SEPTIN7: variants seen among roughly 807,000 people sequenced by gnomAD.
SEPTIN7 encodes septin-7.
Under a neutral mutation model 63.3 loss-of-function variants are expected in SEPTIN7, and 10 were observed. That is an observed-to-expected ratio of 0.16 (90% CI 0.10 to 0.27). SEPTIN7 has a LOEUF of 0.27. Ranked by LOEUF, SEPTIN7 falls within the 10% of genes least tolerant of loss-of-function variation. The pLI, the probability that SEPTIN7 is intolerant of heterozygous loss-of-function variation, is 1.00. For synonymous variants in SEPTIN7, 131 were observed against 165.3 expected (o/e 0.79, Z 1.59); for missense variants, 310 against 521.0 (o/e 0.59, Z 3.94).
At chr7:35,809,894 T>G (rs1437599114) in intron 1 of SEPTIN7, among the ~76,000 whole-genome samples, 1 of 152,200 alleles carries the variant, frequency 6.6e-6, no homozygotes, top group Non-Finnish European at 1.5e-5. Flanking sequence ...TGTAGCAGTT[T>G]AGGACTAAAA....
chr7:35,908,035 T>C (rs1219896614), downstream of SEPTIN7, among the ~76,000 whole-genome samples: 2 of 152,240 alleles, frequency 1.3e-5, no homozygotes, highest in Non-Finnish European at 2.9e-5. Context: ...TCTCTGGATC[T>C]GCTTCTTTGT....
At chr7:35,866,524 C>G (rs1371122418) in intron 4 of SEPTIN7, among the ~76,000 whole-genome samples, 3 of 152,062 alleles carry the variant, frequency 2.0e-5, no homozygotes, top group Non-Finnish European at 4.4e-5. Context: ...GAATAAGGAG[C>G]AAGATATTAA....
chr7:35,866,838 C>G lies in SEPTIN7; in HGVS notation c.276+3180C>G, dbSNP rs1428461711. 2.0e-5 allele frequency among the ~76,000 whole-genome samples: 3 copies of G among 152,210 alleles called. No homozygotes were observed. In the East Asian group the frequency reaches 5.8e-4, roughly 29 times the overall value. Reference sequence around the variant, plus strand: ...GACACCAGTCCTGGAATTCTTTATACCAGTGCTTCTCAAACTTGAGCGCAC... The same window carrying G: ...GACACCAGTCCTGGAATTCTTTATAGCAGTGCTTCTCAAACTTGAGCGCAC... On this transcript the variant is annotated intron_variant, in intron 4 of 13. Coordinates refer to ENST00000350320, the MANE Select transcript of SEPTIN7 (RefSeq NM_001788.6).
chr7:35,870,878 A>G (rs1786103790), intron 4 of SEPTIN7, among the ~76,000 whole-genome samples: 1 of 151,176 alleles, frequency 6.6e-6, no homozygotes, highest in Admixed American at 6.6e-5. Context: ...TCTCACACTG[A>G]TGAATCTGAT....
At chr7:35,915,036 CATATATGT>C in the SEPTIN7 span, among the ~76,000 whole-genome samples, 10 of 149,770 alleles carry the variant, frequency 6.7e-5, no homozygotes, top group East Asian at 5.8e-4. Context: ...CATGCACGTA[CATATATGT>C]ATATATGTAT....
At chr7:35,827,079 A>G (rs1783553757) in intron 1 of SEPTIN7, among the ~76,000 whole-genome samples, 1 of 152,092 alleles carries the variant, frequency 6.6e-6, no homozygotes, top group African/African-American at 2.4e-5. Flanking sequence ...CCGTAGTTTG[A>G]TTTTTCTTAA....
intron 1 of SEPTIN7, among the ~76,000 whole-genome samples, chr7:35,817,384 A>C (rs900430587): frequency 1.3e-5 from 2 of 151,998 alleles, no homozygotes; most frequent in African/African-American, 4.8e-5. Flanking sequence ...GTGGATTCTC[A>C]TTTGTTTCTT....
intron 10 of SEPTIN7, among the ~76,000 whole-genome samples, chr7:35,888,378 A>G (rs1477137199): frequency 5.9e-5 from 9 of 152,252 alleles, no homozygotes; most frequent in Admixed American, 5.9e-4. Flanking sequence ...TATCTAAAAT[A>G]TTAGATGACA....
intron 3 of SEPTIN7, among the ~76,000 whole-genome samples, chr7:35,858,035 T>G (rs1785295964): frequency 6.6e-6 from 1 of 152,036 alleles, no homozygotes; most frequent in Non-Finnish European, 1.5e-5. Flanking sequence ...CTCTTCCTCC[T>G]GGTTCAGGCA....
the SEPTIN7 span, among the ~76,000 whole-genome samples, chr7:35,915,364 C>T: frequency 6.6e-6 from 1 of 152,120 alleles, no homozygotes; most frequent in African/African-American, 2.4e-5. Flanking sequence ...GGACCAGGGA[C>T]ATTTTAGACT....
At chr7:35,901,513 T>A (rs1465433247) in intron 12 of SEPTIN7, 1 of 152,232 alleles carries the variant, frequency 6.6e-6, no homozygotes, top group Admixed American at 6.5e-5. Context: ...TAAGCGGTGT[T>A]GTCGTTTTAA....
chr7:35,841,565 A>G (rs1784409088), intron 3 of SEPTIN7, among the ~76,000 whole-genome samples: 1 of 152,166 alleles, frequency 6.6e-6, no homozygotes, highest in Non-Finnish European at 1.5e-5. Context: ...AGACCTAGAG[A>G]AACTGTTCTC....
rs1256983866 is a variant in SEPTIN7, at chr7:35,872,586, G to A, written c.277-80G>A. On this transcript the variant is annotated intron_variant, in intron 4 of 13. Coordinates refer to ENST00000350320, the MANE Select transcript of SEPTIN7 (RefSeq NM_001788.6). ...TTTCCCAGTTGGTTTTGATAAACTC[G>A]AACGTCCCTACCATCACCCCTTGTA... 13 of 1,047,350 alleles carry A rather than the reference G, an allele frequency of 1.2e-5. No individual in the cohort carries two copies. The South Asian group carries it at 1.4e-4, about 11-fold the overall frequency. 64.9% of individuals were successfully genotyped at this position (1,047,350 alleles called of 1,614,324 possible).
intron 1 of SEPTIN7, among the ~76,000 whole-genome samples, chr7:35,807,469 A>G (rs1788425116): frequency 6.9e-6 from 1 of 145,730 alleles, no homozygotes; most frequent in Non-Finnish European, 1.5e-5. Flanking sequence ...GGTTCACACC[A>G]TTCTCCTGCC....
At chr7:35,850,397 A>T (rs1784902215) in intron 3 of SEPTIN7, among the ~76,000 whole-genome samples, 1 of 152,186 alleles carries the variant, frequency 6.6e-6, no homozygotes, top group African/African-American at 2.4e-5. Flanking sequence ...GAGTTAGAGG[A>T]ACAAGGTAGA....
downstream of SEPTIN7, among the ~76,000 whole-genome samples, chr7:35,910,071 C>T (rs556932864): frequency 6.6e-6 from 1 of 152,224 alleles, no homozygotes; most frequent in Non-Finnish European, 1.5e-5. Flanking sequence ...GACCTCTCCA[C>T]AGGGCTGCTT....
rs534060123 is a variant in SEPTIN7, at chr7:35,801,199, G to C, written c.-11G>C. 305 of 1,501,956 alleles carry C rather than the reference G, an allele frequency of 2.0e-4. No individual in the cohort carries two copies. The highest frequency in any genetic ancestry group is 1.1e-3 in the Middle Eastern group (5 of 4,676). 93.0% of individuals were successfully genotyped at this position (1,501,956 alleles called of 1,614,324 possible). A position where few individuals can be genotyped will look rare whatever the true frequency, so the allele number is the denominator to read the frequency against. On this transcript the variant is annotated 5_prime_UTR_variant, in exon 1 of 14. Transcript: ENST00000350320. ...CGCTCCGCTGGGGCTGGTCGCGGAG[G>C]GGGGGAGGGGATGTCGGTCAGTGCG...
At chr7:35,855,898 C>A (rs1171656733) in intron 3 of SEPTIN7, among the ~76,000 whole-genome samples, 1 of 152,130 alleles carries the variant, frequency 6.6e-6, no homozygotes, top group Non-Finnish European at 1.5e-5. Flanking sequence ...CTTGATTTAT[C>A]CATATCCAAA....
intron 4 of SEPTIN7, among the ~76,000 whole-genome samples, chr7:35,868,463 GACAA>G (rs1413828604): frequency 1.3e-5 from 2 of 151,924 alleles, no homozygotes; most frequent in Non-Finnish European, 2.9e-5. Flanking sequence ...GAAAAATATG[GACAA>G]ACAATTATGA....
Sources: allele counts gnomAD v4.1 joint callset (sites outside exome capture counted in the v4.1 genomes callset), GRCh38; gene constraint gnomAD v4.1.1; transcripts MANE v1.5; gene names NCBI Gene and HGNC (gene_info 2026-07-23, HGNC 2026-07-21).